Variants in HEATR4 observed in about 807,000 individuals in gnomAD.
The protein encoded by HEATR4 is HEAT repeat-containing protein 4.
HEATR4 carries 95 observed loss-of-function variants against 108.8 expected under a neutral mutation model. That is an observed-to-expected ratio of 0.87 (90% CI 0.74 to 1.04). The LOEUF (loss-of-function observed/expected upper bound fraction) is 1.04, where lower values mean the gene tolerates loss of function less well. Ranked by LOEUF, HEATR4 falls within the 50% of genes least tolerant of loss-of-function variation. The pLI, the probability that HEATR4 is intolerant of heterozygous loss-of-function variation, is 0.00. For missense variants in HEATR4, 1,152 were observed against 1,253.8 expected (o/e 0.92, Z 1.23); for synonymous variants, 443 against 459.4 (o/e 0.96, Z 0.46).
chr14:73,515,244 C>T (rs139506829), intron 5 of HEATR4, among the ~76,000 whole-genome samples: 30 of 152,224 alleles, frequency 2.0e-4, no homozygotes, highest in African/African-American at 5.5e-4. Flanking sequence ...GCCTATTAGT[C>T]TCATGTTCTA....
At chr14:73,615,217 C>G in the HEATR4 span, among the ~76,000 whole-genome samples, 1 of 149,194 alleles carries the variant, frequency 6.7e-6, no homozygotes. Context: ...GAAACCCTGT[C>G]TCTACTAAAA....
chr14:73,520,260 AG>A (rs1887895004), intron 4 of HEATR4: 1 of 152,288 alleles, frequency 6.6e-6, no homozygotes, highest in Non-Finnish European at 1.5e-5. Flanking sequence ...GGGACAGGGA[AG>A]GTGGCAAACA....
the HEATR4 span, among the ~76,000 whole-genome samples, chr14:73,593,236 C>T: frequency 1.3e-5 from 2 of 152,116 alleles, no homozygotes; most frequent in African/African-American, 4.8e-5. Context: ...TCTTTCCTCC[C>T]TTTCTACATA....
chr14:73,506,804 G>GTTTTTTTTTTTTTTTTTTTTTGT (rs34660727), intron 9 of HEATR4, among the ~76,000 whole-genome samples: 1 of 80,522 alleles, frequency 1.2e-5, no homozygotes, highest in Non-Finnish European at 2.2e-5. Context: ...GACTTTAACT[G>GTTTTTTTTTTTTTTTTTTTTTGT]TTTTTTTTTT....
rs763467884 is a variant in HEATR4 at position 73,492,203 on chromosome 14, T to G, written c.2844+863A>C. ...GCAGACCGTGCTGGAACCTGGAGAT[T>G]TGCTGTATTTTCCTCGGGGCTTCAT... On this transcript the variant is annotated intron_variant, in intron 17 of 17. Transcript: ENST00000553558. The surrounding 1 kb of genome is among the most constrained non-coding windows in gnomAD (Gnocchi z 4.9). 7 of 1,613,922 alleles carry G rather than the reference T, an allele frequency of 4.3e-6. No individual in the cohort carries two copies. Among genetic ancestry groups the G allele is most frequent in the Non-Finnish European group, 5.1e-6 (6 of 1,179,858 alleles).
chr14:73,580,005 G>C, the HEATR4 span, among the ~76,000 whole-genome samples: 1 of 152,012 alleles, frequency 6.6e-6, no homozygotes, highest in African/African-American at 2.4e-5. Flanking sequence ...GGCTGAGGTG[G>C]GTGAATCGCT....
the HEATR4 span, among the ~76,000 whole-genome samples, chr14:73,615,405 AAACAAAAAAC>A: frequency 6.3e-4 from 48 of 76,588 alleles, 4 homozygotes; most frequent in East Asian, 2.7e-3. Context: ...AAAAAAAAAA[AAACAAAAAAC>A]AAAAAAAACC....
the HEATR4 span, among the ~76,000 whole-genome samples, chr14:73,588,181 G>C: frequency 1.3e-5 from 2 of 151,872 alleles, no homozygotes; most frequent in African/African-American, 4.8e-5. Flanking sequence ...TTGTATCTTA[G>C]TACAGACAGG....
chr14:73,569,420 T>G, the HEATR4 span: 6 of 1,613,868 alleles, frequency 3.7e-6, 1 homozygote, highest in Non-Finnish European at 5.1e-6. Flanking sequence ...TTAGGGTTCC[T>G]GCTCGGATGG....
chr14:73,617,827 C>T, the HEATR4 span, among the ~76,000 whole-genome samples: 1 of 152,182 alleles, frequency 6.6e-6, no homozygotes, highest in Non-Finnish European at 1.5e-5. Flanking sequence ...AAGTCCTTAT[C>T]TGATAACAGA....
In HEATR4 at chr14:73,540,005, G is replaced by C. The variant is rs2140312439; in HGVS notation, c.-151-9761C>G. On this transcript the variant is annotated intron_variant, in intron 1 of 17. Coordinates refer to ENST00000553558, the MANE Select transcript of HEATR4 (RefSeq NM_001220484.1). ...AAGAGCAATCAGCCAGTGTAGAAAT[G>C]ATGCTTATCCTTATTAATAATCAAA... 1.7e-5 allele frequency among the ~76,000 whole-genome samples: 2 copies of C among 116,826 alleles called. 1 individual carries two copies. The highest frequency in any genetic ancestry group is 5.6e-5 in the African/African-American group (2 of 36,006). 76.6% of individuals were successfully genotyped at this position (116,826 alleles called of 152,430 possible).
chr14:73,503,569 C>T (rs1336868784), intron 10 of HEATR4, among the ~76,000 whole-genome samples: 1 of 152,192 alleles, frequency 6.6e-6, no homozygotes, highest in Non-Finnish European at 1.5e-5. Context: ...CTACCTGGTA[C>T]TTGATGTCTT....
At position 73,551,266 on chromosome 14, in the gene HEATR4, C is replaced by A. The variant is rs1173985268; in HGVS notation, c.-152+7485G>T. Among the ~76,000 whole-genome samples the A allele has an allele frequency of 3.5e-5, 4 of 115,074 alleles. 2 individuals carry two copies. Among genetic ancestry groups the A allele is most frequent in the Non-Finnish European group, 7.6e-5 (4 of 52,760 alleles). The allele number at this position is 115,074 out of a possible 152,430, so 75.5% of individuals were successfully genotyped here. On this transcript the variant is annotated intron_variant, in intron 1 of 17. Transcript: ENST00000553558. ...TTTCTAGCCCTTTACCCTCCATGAT[C>A]CCTTTAAAAACCCTGTTACAGGTAG...
At chr14:73,599,584 G>A in the HEATR4 span, among the ~76,000 whole-genome samples, 29 of 152,186 alleles carry the variant, frequency 1.9e-4, no homozygotes, top group African/African-American at 7.0e-4. Context: ...TTGACAGCCA[G>A]CACCAACCTC....
At position 73,519,081 on chromosome 14, in the gene HEATR4, T is replaced by C. The variant is rs1261034154; in HGVS notation, c.1152A>G (p.Leu384=). Reference sequence around the variant, plus strand: ...CTGGAGTTTCAGGGAAGACCTTAGATAGCTGCTTGTTGTACCGATTTAGGT... The same window carrying C: ...CTGGAGTTTCAGGGAAGACCTTAGACAGCTGCTTGTTGTACCGATTTAGGT... ...LENLNRYNKQ[L]SKVFPETPEK... Residue 384 remains leucine, a synonymous_variant, in exon 5 of 18, where the codon CTA becomes CTG. Coordinates refer to ENST00000553558, the MANE Select transcript of HEATR4 (RefSeq NM_001220484.1). 5.0e-6 allele frequency: 8 copies of C among 1,613,990 alleles called. No homozygotes were observed. The highest frequency in any genetic ancestry group is 6.8e-6 in the Non-Finnish European group (8 of 1,180,004).
At chr14:73,576,817 A>AAAG in the HEATR4 span, among the ~76,000 whole-genome samples, 1 of 70,716 alleles carries the variant, frequency 1.4e-5, no homozygotes, top group Non-Finnish European at 2.8e-5. Context: ...AAAAAAAAAA[A>AAAG]AAAGACAATA....
At chr14:73,529,498 A>G (rs1888575788) in intron 2 of HEATR4, among the ~76,000 whole-genome samples, 1 of 152,110 alleles carries the variant, frequency 6.6e-6, no homozygotes, top group Non-Finnish European at 1.5e-5. Context: ...GTTAGGCTAC[A>G]TGCCTCTAGT....
the HEATR4 span, among the ~76,000 whole-genome samples, chr14:73,604,353 T>G: frequency 6.8e-6 from 1 of 147,878 alleles, no homozygotes; most frequent in Non-Finnish European, 1.5e-5. Flanking sequence ...TTAGTAGAGA[T>G]AGGGCTTCAC....
At chr14:73,570,323 A>G in the HEATR4 span, among the ~76,000 whole-genome samples, 1 of 151,746 alleles carries the variant, frequency 6.6e-6, no homozygotes, top group Admixed American at 6.6e-5. Context: ...TAATCCCAGC[A>G]CTTTGGGAAG....
Sources: gnomAD v4.1 joint callset for allele counts (sites outside exome capture counted in the v4.1 genomes callset) on GRCh38, gnomAD v4.1.1 for gene constraint, Gnocchi (gnomAD v3.1) non-coding constraint, MANE v1.5 for transcripts, NCBI Gene and HGNC (gene_info 2026-07-23, HGNC 2026-07-21) for gene names.